Variants in SCMH1 observed in about 807,000 individuals in gnomAD.
The protein encoded by SCMH1 is polycomb protein SCMH1.
A neutral mutation model predicts 70.8 loss-of-function variants in SCMH1; 37 were observed. The observed-to-expected ratio is 0.52, with a 90% CI of 0.40 to 0.69. The LOEUF (loss-of-function observed/expected upper bound fraction) is 0.69. SCMH1 is among the 30% of genes least tolerant of loss of function. The probability of loss-of-function intolerance (pLI) is 0.00; values close to 1 mark genes in which losing one functional copy is unlikely to be tolerated. For synonymous variants in SCMH1, 292 were observed against 307.4 expected, an observed-to-expected ratio of 0.95 and a Z score of 0.52; for missense variants, 607 against 827.3, an observed-to-expected ratio of 0.73 and a Z score of 3.27.
rs571466460 is a variant in SCMH1 at position 41,198,278 on chromosome 1, G to A, written c.-117-12028C>T. 6.6e-5 allele frequency among the ~76,000 whole-genome samples: 10 copies of A among 152,240 alleles called. No homozygotes were observed. The East Asian group carries it at 1.9e-3, about 29-fold the overall frequency. On this transcript the variant is annotated intron_variant, in intron 1 of 14. Transcript: ENST00000337495. ...TCACCACAGTTCTCTGGGGTTTAGA[G>A]GGGCTTGCTAGCATCTCCATCAGAG... is the stretch of plus-strand genomic sequence containing the variant.
chr1:41,200,929 AT>A (rs138860341), intron 1 of SCMH1, among the ~76,000 whole-genome samples: 12 of 150,010 alleles, frequency 8.0e-5, no homozygotes, highest in South Asian at 2.1e-4. Flanking sequence ...AACCTTTACC[AT>A]TTTTTTTTTA....
At chr1:41,232,836 G>T (rs536185674) in intron 1 of SCMH1, among the ~76,000 whole-genome samples, 1 of 152,276 alleles carries the variant, frequency 6.6e-6, no homozygotes, top group South Asian at 2.1e-4. Context: ...AAACACAGAA[G>T]ATGCTGATTG....
At chr1:41,200,896 T>G (rs1654202821) in intron 1 of SCMH1, among the ~76,000 whole-genome samples, 1 of 151,946 alleles carries the variant, frequency 6.6e-6, no homozygotes, top group African/African-American at 2.4e-5. Context: ...TCATATGGCT[T>G]TGCGGACAGA....
chr1:41,030,996 C>CA (rs1481788042), intron 13 of SCMH1, among the ~76,000 whole-genome samples: 24 of 152,208 alleles, frequency 1.6e-4, no homozygotes, highest in African/African-American at 5.8e-4. Context: ...AGAGCTAACA[C>CA]ACACCTGTAC....
chr1:41,144,899 A>G (rs531621506), intron 5 of SCMH1, among the ~76,000 whole-genome samples: 1 of 152,252 alleles, frequency 6.6e-6, no homozygotes, highest in South Asian at 2.1e-4. Context: ...TATTTGGAGA[A>G]ATATCTATTC....
At chr1:41,051,615 G>A (rs1255482819) in intron 10 of SCMH1, among the ~76,000 whole-genome samples, 1 of 151,808 alleles carries the variant, frequency 6.6e-6, no homozygotes. Flanking sequence ...TATGTCTTGG[G>A]TTTTAATAAA....
chr1:41,102,754 G>A (rs2149104802), intron 8 of SCMH1, among the ~76,000 whole-genome samples: 1 of 152,288 alleles, frequency 6.6e-6, no homozygotes, highest in South Asian at 2.1e-4. Context: ...TTCGGCAAGT[G>A]GAGGGCTATA....
chr1:41,195,486 G>A (rs1428230003), intron 1 of SCMH1, among the ~76,000 whole-genome samples: 1 of 151,464 alleles, frequency 6.6e-6, no homozygotes, highest in African/African-American at 2.4e-5. Flanking sequence ...TAATGTCAAT[G>A]TAGAGAAAGC....
intron 2 of SCMH1, among the ~76,000 whole-genome samples, chr1:41,185,343 G>T (rs1419719372): frequency 6.6e-6 from 1 of 152,056 alleles, no homozygotes; most frequent in South Asian, 2.1e-4. Flanking sequence ...ACACCACCAC[G>T]ACTGGCTACT....
intron 6 of SCMH1, among the ~76,000 whole-genome samples, chr1:41,136,853 C>T (rs1481276241): frequency 1.4e-5 from 2 of 148,134 alleles, no homozygotes; most frequent in Non-Finnish European, 3.0e-5. Context: ...CCATAACTCA[C>T]TGTAACCTCA....
chr1:41,170,706 C>T (rs1196076993), intron 2 of SCMH1, among the ~76,000 whole-genome samples: 1 of 152,190 alleles, frequency 6.6e-6, no homozygotes, highest in African/African-American at 2.4e-5. Context: ...TCTTTGCTCT[C>T]CTTCACAGGA....
intron 6 of SCMH1, among the ~76,000 whole-genome samples, chr1:41,123,972 C>T (rs1351805940): frequency 6.6e-6 from 1 of 152,170 alleles, no homozygotes; most frequent in East Asian, 1.9e-4. Flanking sequence ...CCTAGAGCTT[C>T]TGATTCAGCA....
At chr1:41,030,686 T>C (rs1644394778) in intron 13 of SCMH1, among the ~76,000 whole-genome samples, 1 of 152,138 alleles carries the variant, frequency 6.6e-6, no homozygotes, top group South Asian at 2.1e-4. Context: ...ACAGTACATA[T>C]CGTTACCTAA....
At chr1:41,061,491 G>T (rs889592256) in intron 10 of SCMH1, among the ~76,000 whole-genome samples, 2 of 152,106 alleles carry the variant, frequency 1.3e-5, no homozygotes, top group African/African-American at 4.8e-5. Flanking sequence ...AAAGACAGGG[G>T]CATTACATAA....
chr1:41,074,794 A>T (rs1216889687), intron 9 of SCMH1, among the ~76,000 whole-genome samples: 2 of 152,198 alleles, frequency 1.3e-5, no homozygotes, highest in Admixed American at 1.3e-4. Context: ...TATAAGATAC[A>T]CAAGATAGAG....
At chr1:41,164,917 C>A (rs1329520582) in intron 2 of SCMH1, among the ~76,000 whole-genome samples, 1 of 152,028 alleles carries the variant, frequency 6.6e-6, no homozygotes, top group African/African-American at 2.4e-5. Flanking sequence ...CTCTCTTTAG[C>A]TATTTCGAAA....
Position 41,160,998 on chromosome 1 carries a change from T to C in SCMH1, c.83-100A>G, listed in dbSNP as rs183594545. Reference sequence around the variant, plus strand: ...GGTAAAATAGGAAATCGAGTATTTGTCTAGTTCAGTTATCTCATCCTAAAA... The same window carrying C: ...GGTAAAATAGGAAATCGAGTATTTGCCTAGTTCAGTTATCTCATCCTAAAA... On this transcript the variant is annotated intron_variant, in intron 3 of 14. Coordinates refer to ENST00000337495, the Ensembl canonical transcript of SCMH1. 5.6e-5 allele frequency: 66 copies of C among 1,181,958 alleles called. No individual in the cohort carries two copies. In the African/African-American group the frequency reaches 9.5e-4, roughly 17 times the overall value. The allele number at this position is 1,181,958 out of a possible 1,614,324, so 73.2% of individuals were successfully genotyped here. A position where few individuals can be genotyped will look rare whatever the true frequency, so the allele number is the denominator to read the frequency against.
rs977009280 is a variant in SCMH1, at chr1:41,185,075, T to A, written c.13+1046A>T. Among the ~76,000 whole-genome samples the A allele has an allele frequency of 9.2e-5, 14 of 152,326 alleles. No homozygotes were observed. The East Asian group carries it at 2.5e-3, about 27-fold the overall frequency. ...GAGAGTAGCTTCCTCTTAAATCTTG[T>A]TCAATTTGACATTTAAATTCCATTT... is the stretch of plus-strand genomic sequence containing the variant. On this transcript the variant is annotated intron_variant, in intron 2 of 14. Coordinates refer to ENST00000337495, the Ensembl canonical transcript of SCMH1.
intron 6 of SCMH1, among the ~76,000 whole-genome samples, chr1:41,122,175 A>T (rs575990699): frequency 6.6e-6 from 1 of 152,314 alleles, no homozygotes; most frequent in African/African-American, 2.4e-5. Context: ...TAAACTCTTT[A>T]TTATTCATGT....
Sources: gnomAD v4.1 joint callset for allele counts (sites outside exome capture counted in the v4.1 genomes callset) on GRCh38, gnomAD v4.1.1 for gene constraint, MANE v1.5 for transcripts, NCBI Gene and HGNC (gene_info 2026-07-23, HGNC 2026-07-21) for gene names.